CEP63: variants seen among roughly 807,000 people sequenced by gnomAD.
The protein encoded by CEP63 is centrosomal protein 63, also known as centrosomal protein of 63 kDa.
CEP63 carries 84 observed loss-of-function variants against 89.1 expected under a neutral mutation model. The observed-to-expected ratio is 0.94, with a 90% CI of 0.79 to 1.13. The LOEUF (loss-of-function observed/expected upper bound fraction) is 1.13, where lower values mean the gene tolerates loss of function less well. Among genes scored for constraint, CEP63 ranks in the 50% most tolerant of loss-of-function variants. The probability of loss-of-function intolerance (pLI) is 0.00; values close to 1 mark genes in which losing one functional copy is unlikely to be tolerated. For missense variants in CEP63, 838 were observed against 813.3 expected (o/e 1.03, Z -0.37); for synonymous variants, 267 against 272.5 (o/e 0.98, Z 0.20).
Position 134,559,277 on chromosome 3 carries a change from C to T in CEP63, c.1801C>T (p.Pro601Ser). 1.2e-6 allele frequency: 2 copies of T among 1,614,170 alleles called. No homozygotes were observed. The highest frequency in any genetic ancestry group is 1.7e-6 in the Non-Finnish European group (2 of 1,180,016). The change falls in exon 14 of 15, where the codon CCT becomes TCT. Residue 601 changes from proline to serine, a missense_variant. Pro to Ser is a moderately conservative substitution (Grantham distance 74). Transcript: ENST00000675561. ...GTCTAGGGTGCTAAGCCCCCTGAGT[C>T]CTCAAATCAGCCCTTGCAGCTCCAC... is the stretch of plus-strand genomic sequence containing the variant. ...PMSRVLSPLS[P>S]QISPCSSTRS...
At chr3:134,572,705 A>G (rs1958062815) in intron 11 of CEP63, among the ~76,000 whole-genome samples, 2 of 152,134 alleles carry the variant, frequency 1.3e-5, no homozygotes, top group South Asian at 4.1e-4. Flanking sequence ...TGAATGGTGT[A>G]ATGCTGAACG....
At chr3:134,554,004 CATCTG>C (rs1261510344) in intron 12 of CEP63, among the ~76,000 whole-genome samples, 1 of 152,190 alleles carries the variant, frequency 6.6e-6, no homozygotes, top group Admixed American at 6.6e-5. Context: ...TGAAAACACT[CATCTG>C]ATCTTGCTCT....
chr3:134,643,215 C>G, the CEP63 span: 3 of 1,119,404 alleles, frequency 2.7e-6, no homozygotes. Flanking sequence ...GGACCCTGCT[C>G]CCCATAGTCT....
chr3:134,525,462 T>C (rs1213243296), intron 3 of CEP63, among the ~76,000 whole-genome samples: 4 of 152,172 alleles, frequency 2.6e-5, no homozygotes, highest in Non-Finnish European at 5.9e-5. Flanking sequence ...TACCAATGGG[T>C]CTTGATTCTT....
intron 11 of CEP63, chr3:134,574,692 C>T (rs983618746): frequency 2.3e-6 from 1 of 441,924 alleles, no homozygotes; most frequent in Non-Finnish European, 4.1e-6. Context: ...ACTGCAACCT[C>T]CACCTCCTGG....
downstream of CEP63, among the ~76,000 whole-genome samples, chr3:134,591,273 C>T (rs1958590800): frequency 6.6e-6 from 1 of 152,208 alleles, no homozygotes; most frequent in African/African-American, 2.4e-5. Context: ...TTGCAAGTGA[C>T]TTGCTTTATT....
At chr3:134,583,433 G>A (rs1219771446) in intron 10 of CEP63, among the ~76,000 whole-genome samples, 1 of 152,174 alleles carries the variant, frequency 6.6e-6, no homozygotes, top group Admixed American at 6.5e-5. Context: ...TTATTAAATA[G>A]GGAATCCTTT....
the CEP63 span, among the ~76,000 whole-genome samples, chr3:134,693,747 G>A: frequency 7.2e-5 from 11 of 152,178 alleles, no homozygotes; most frequent in Non-Finnish European, 1.3e-4. Context: ...AAGCCTCATG[G>A]CTAAAGAACG....
chr3:134,714,969 G>C, the CEP63 span, among the ~76,000 whole-genome samples: 7 of 152,224 alleles, frequency 4.6e-5, no homozygotes, highest in African/African-American at 1.7e-4. Context: ...CCACAGAGGA[G>C]GGTGTCCCAA....
intron 6 of CEP63, 51 bp downstream of exon 6, chr3:134,537,319 G>GT: frequency 8.8e-7 from 1 of 1,141,524 alleles, no homozygotes; most frequent in Non-Finnish European, 1.3e-6. Context: ...TTTTGATCAA[G>GT]TTTGAACTAC....
chr3:134,529,675 CTT>C (rs1157383090), intron 3 of CEP63, among the ~76,000 whole-genome samples: 2 of 150,722 alleles, frequency 1.3e-5, no homozygotes, highest in Non-Finnish European at 3.0e-5. Context: ...TTATTTTCTT[CTT>C]TTCCTTTTTT....
chr3:134,602,315 G>A, the CEP63 span, among the ~76,000 whole-genome samples: 2 of 152,058 alleles, frequency 1.3e-5, no homozygotes, highest in Admixed American at 1.3e-4. Flanking sequence ...AGCCTGAGGC[G>A]CTGCTGAGGG....
At chr3:134,604,210 A>G in the CEP63 span, 1 of 1,613,028 alleles carries the variant, frequency 6.2e-7, no homozygotes, top group Non-Finnish European at 8.5e-7. Flanking sequence ...GCTGGGGCCC[A>G]CGGGCTGGTG....
chr3:134,687,582 AGCAG>A, the CEP63 span, among the ~76,000 whole-genome samples: 1 of 152,232 alleles, frequency 6.6e-6, no homozygotes, highest in Non-Finnish European at 1.5e-5. Flanking sequence ...TGTTAGCTCC[AGCAG>A]AGATCAGGAT....
the CEP63 span, among the ~76,000 whole-genome samples, chr3:134,729,605 C>T: frequency 2.0e-5 from 3 of 152,090 alleles, no homozygotes; most frequent in Non-Finnish European, 2.9e-5. Flanking sequence ...TTGCATTTTT[C>T]CCCCCATTAG....
chr3:134,777,365 T>G, the CEP63 span, among the ~76,000 whole-genome samples: 1 of 152,202 alleles, frequency 6.6e-6, no homozygotes, highest in Non-Finnish European at 1.5e-5. Flanking sequence ...CAGCCACACA[T>G]AGTGCTCCAT....
At chr3:134,645,816 A>G in the CEP63 span, among the ~76,000 whole-genome samples, 1 of 152,168 alleles carries the variant, frequency 6.6e-6, no homozygotes, top group Admixed American at 6.5e-5. Flanking sequence ...GTCTTTTACA[A>G]GAGTCTTATA....
the CEP63 span, chr3:134,625,014 C>T: frequency 1.9e-6 from 3 of 1,550,042 alleles, no homozygotes; most frequent in Non-Finnish European, 2.6e-6. Context: ...TCTAAGCCAC[C>T]TTGAAGGGGC....
At chr3:134,638,903 G>A in the CEP63 span, among the ~76,000 whole-genome samples, 3 of 97,590 alleles carry the variant, frequency 3.1e-5, no homozygotes, top group Admixed American at 3.7e-4. Flanking sequence ...AACGAAGACT[G>A]TCAGGTGTGT....
Sources: gnomAD v4.1 joint callset for allele counts (sites outside exome capture counted in the v4.1 genomes callset) on GRCh38, gnomAD v4.1.1 for gene constraint, MANE v1.5 for transcripts, NCBI Gene and HGNC (gene_info 2026-07-23, HGNC 2026-07-21) for gene names.